Variants in SHPRH observed in about 807,000 individuals in gnomAD.
SHPRH encodes E3 ubiquitin-protein ligase SHPRH.
Under a neutral mutation model 202.5 loss-of-function variants are expected in SHPRH, and 106 were observed. That is an observed-to-expected ratio of 0.52 (90% CI 0.45 to 0.62). The LOEUF (loss-of-function observed/expected upper bound fraction) is 0.62, where lower values mean the gene tolerates loss of function less well. Ranked by LOEUF, SHPRH falls within the 20% of genes least tolerant of loss-of-function variation. SHPRH has a pLI of 0.00. For synonymous variants in SHPRH, 729 were observed against 686.0 expected (o/e 1.06, Z -0.98); for missense variants, 1,710 against 2,020.0 (o/e 0.85, Z 2.94).
rs114276571 is a variant in SHPRH, at chr6:145,893,862, G to A, written c.4695+288C>T. Among the ~76,000 whole-genome samples the A allele has an allele frequency of 3.6e-3, 541 of 151,954 alleles. 4 individuals are homozygous for A. The highest frequency in any genetic ancestry group is 0.012 in the African/African-American group (517 of 41,444). On this transcript the variant is annotated intron_variant, in intron 27 of 29. Coordinates refer to ENST00000275233, the MANE Select transcript of SHPRH (RefSeq NM_001042683.3). ...GACTTTAGAAACTAATCCTTGGGGT[G>A]TGAGGCCCCTGTCCATTCAAAAGGT... is the stretch of plus-strand genomic sequence containing the variant.
At chr6:145,871,341 A>G (rs146004928) in intron 2 of SHPRH, 92 of 152,338 alleles carry the variant, frequency 6.0e-4, no homozygotes, top group African/African-American at 2.0e-3. Context: ...TAAGCTGATA[A>G]GCAACTTCAG....
intron 11 of SHPRH, among the ~76,000 whole-genome samples, chr6:145,940,096 T>C (rs1392980994): frequency 6.6e-6 from 1 of 152,188 alleles, no homozygotes; most frequent in East Asian, 1.9e-4. Context: ...TCTACTGTGA[T>C]ATTGAATAAG....
chr6:145,904,942 T>C (rs1782823417), intron 25 of SHPRH: 1 of 152,100 alleles, frequency 6.6e-6, no homozygotes, highest in African/African-American at 2.4e-5. Context: ...GCACAGCACA[T>C]GTAACTGTGC....
intron 1 of SHPRH, among the ~76,000 whole-genome samples, chr6:145,955,653 G>A (rs1034550106): frequency 6.6e-6 from 1 of 151,992 alleles, no homozygotes; most frequent in Non-Finnish European, 1.5e-5. Context: ...AATATAATAG[G>A]AAGGTAAATC....
chr6:145,917,095 T>G (rs1195758917), intron 23 of SHPRH: 1 of 152,166 alleles, frequency 6.6e-6, no homozygotes, highest in Non-Finnish European at 1.5e-5. Context: ...TGCATGAAAC[T>G]TTTTAATTTT....
At chr6:145,892,102 C>A (rs956673942) in intron 28 of SHPRH, among the ~76,000 whole-genome samples, 1 of 152,148 alleles carries the variant, frequency 6.6e-6, no homozygotes. Context: ...GGGCAGTCTA[C>A]ATTTCTGAGT....
chr6:145,882,193 G>A (rs957651618), downstream of SHPRH, among the ~76,000 whole-genome samples: 4 of 152,066 alleles, frequency 2.6e-5, no homozygotes, highest in Non-Finnish European at 5.9e-5. Context: ...TCCTGTATGC[G>A]TAAATAGTAA....
chr6:145,933,602 C>T (rs1487192527), intron 13 of SHPRH, among the ~76,000 whole-genome samples: 2 of 152,166 alleles, frequency 1.3e-5, no homozygotes, highest in East Asian at 1.9e-4. Context: ...GGCTGTCTAA[C>T]CTTAACCATT....
the SHPRH span, among the ~76,000 whole-genome samples, chr6:145,858,175 C>A: frequency 6.6e-6 from 1 of 152,070 alleles, no homozygotes; most frequent in South Asian, 2.1e-4. Flanking sequence ...AAAAAGGTCA[C>A]CACACCTACC....
At chr6:145,955,972 T>C (rs942646177) in intron 1 of SHPRH, among the ~76,000 whole-genome samples, 9 of 152,068 alleles carry the variant, frequency 5.9e-5, no homozygotes, top group African/African-American at 1.4e-4. Flanking sequence ...GTGACTCCTA[T>C]AGAATTTATG....
intron 11 of SHPRH, among the ~76,000 whole-genome samples, chr6:145,938,444 T>C (rs895672451): frequency 1.4e-4 from 21 of 152,190 alleles, no homozygotes; most frequent in Non-Finnish European, 5.9e-5. Flanking sequence ...ACTGAGATTC[T>C]ATCCTACCTC....
intron 26 of SHPRH, among the ~76,000 whole-genome samples, chr6:145,894,582 C>G (rs73580158): frequency 0.027 from 4,042 of 151,802 alleles, 186 homozygotes; most frequent in African/African-American, 0.092. Flanking sequence ...TTGTCTTTTT[C>G]AACCCAAATT....
intron 14 of SHPRH, among the ~76,000 whole-genome samples, chr6:145,929,264 G>T (rs1785191938): frequency 6.6e-6 from 1 of 151,850 alleles, no homozygotes; most frequent in African/African-American, 2.4e-5. Context: ...TAAGAAAACT[G>T]GTGGATTTGA....
chr6:145,939,467 G>A (rs1786498681), intron 11 of SHPRH, among the ~76,000 whole-genome samples: 1 of 152,064 alleles, frequency 6.6e-6, no homozygotes, highest in African/African-American at 2.4e-5. Flanking sequence ...CAAAACACTT[G>A]CCAACATCTT....
At chr6:145,919,602 G>T in intron 21 of SHPRH, 111 bp from the exon 22 acceptor site, 1 of 1,279,652 alleles carries the variant, frequency 7.8e-7, no homozygotes. Context: ...ACACTTTTTC[G>T]CTATGTGTCT....
At position 145,923,752 on chromosome 6, in the gene SHPRH, T is replaced by A. The variant is rs1285260084; in HGVS notation, c.3436A>T (p.Ile1146Phe). The change falls in exon 18 of 30, where the codon ATC becomes TTC. Residue 1146 changes from isoleucine to phenylalanine, a missense_variant. Coordinates refer to ENST00000275233, the MANE Select transcript of SHPRH (RefSeq NM_001042683.3). Reference protein sequence around the residue: ...HSNSPWWLNVIHRAIEFTIDE... With the variant: ...HSNSPWWLNVFHRAIEFTIDE... ...ATAGTAAATTCTATTGCTCTGTGGA[T>A]CACATTTAGCCACCAAGGAGAATTA... The A allele has an allele frequency of 1.9e-6, 3 of 1,611,140 alleles. No homozygotes were observed. The highest frequency in any genetic ancestry group is 3.3e-5 in the Admixed American group (2 of 59,750).
At position 145,872,836 on chromosome 6, in the gene SHPRH, T is replaced by C. The variant is rs1457167564; in HGVS notation, c.222-8345A>G. 1.1e-4 allele frequency among the ~76,000 whole-genome samples: 17 copies of C among 152,312 alleles called. No individual in the cohort carries two copies. In the East Asian group the frequency reaches 2.5e-3, roughly 22 times the overall value. ...ATAAAGAAAATGTACATATACAACA[T>C]GGAATACTATGCAGGCATAAAAAGG... On this transcript the variant is annotated intron_variant, in intron 2 of 2. Coordinates refer to the SHPRH transcript ENST00000417762.
At chr6:145,938,666 T>C (rs971572398) in intron 11 of SHPRH, among the ~76,000 whole-genome samples, 1 of 152,154 alleles carries the variant, frequency 6.6e-6, no homozygotes, top group Non-Finnish European at 1.5e-5. Context: ...TTTGTATACT[T>C]CATCATAATT....
At chr6:145,911,044 A>G (rs909635364) in intron 24 of SHPRH, among the ~76,000 whole-genome samples, 1 of 152,198 alleles carries the variant, frequency 6.6e-6, no homozygotes, top group Non-Finnish European at 1.5e-5. Flanking sequence ...AAGCACTTAT[A>G]TAGAAAATAA....
Sources: allele counts gnomAD v4.1 joint callset (sites outside exome capture counted in the v4.1 genomes callset), GRCh38; gene constraint gnomAD v4.1.1; transcripts MANE v1.5; gene names NCBI Gene and HGNC (gene_info 2026-07-23, HGNC 2026-07-21).